Variants in ZC3H7B observed in about 807,000 individuals in gnomAD.
ZC3H7B encodes the protein zinc finger CCCH domain-containing protein 7B.
In ZC3H7B, 35 loss-of-function variants were observed where a neutral mutation model predicts 116.0. The observed-to-expected ratio is 0.30, with a 90% CI of 0.23 to 0.40. ZC3H7B has a LOEUF of 0.40. Among genes scored for constraint, ZC3H7B ranks in the 10% least tolerant of loss-of-function variants. The pLI is 1.00. For missense variants in ZC3H7B, 1,011 were observed against 1,321.5 expected, an observed-to-expected ratio of 0.77 and a Z score of 3.64; for synonymous variants, 502 against 545.6, an observed-to-expected ratio of 0.92 and a Z score of 1.11.
chr22:41,339,848 C>A lies in ZC3H7B; in HGVS notation c.849C>A (p.Gly283=), dbSNP rs893628075. 1 of 1,609,562 alleles carries A rather than the reference C, an allele frequency of 6.2e-7. No homozygotes were observed. The highest frequency in any genetic ancestry group is 1.7e-5 in the Admixed American group (1 of 59,774). ...TCCAGGGTGGCCTGTCTGGCAGCGG[C>A]GTGCCTAGTGAGTTGCCCCAGCTGA... The part of the protein sequence containing the change: ...SLVQGGLSGS[G]VPSELPQLIP... The change falls in exon 10 of 23, where the codon GGC becomes GGA. Residue 283 remains glycine (G), a synonymous_variant. Coordinates refer to ENST00000352645, the MANE Select transcript of ZC3H7B (RefSeq NM_017590.6).
chr22:41,316,496 A>G (rs2036185212), intron 1 of ZC3H7B, among the ~76,000 whole-genome samples: 2 of 149,854 alleles, frequency 1.3e-5, no homozygotes, highest in South Asian at 2.1e-4. Flanking sequence ...GGGTTTCACC[A>G]TGTTGGCTGG....
chr22:41,340,499 C>T (rs2036507893), intron 10 of ZC3H7B, among the ~76,000 whole-genome samples: 1 of 152,112 alleles, frequency 6.6e-6, no homozygotes, highest in African/African-American at 2.4e-5. Flanking sequence ...CCTCCCACTG[C>T]ACCACTCTGG....
chr22:41,335,714 C>G (rs2036436842), intron 7 of ZC3H7B: 1 of 152,474 alleles, frequency 6.6e-6, no homozygotes, highest in Non-Finnish European at 1.5e-5. Flanking sequence ...ATGGCAGGCT[C>G]AGGTGTGGGA....
At position 41,351,738 on chromosome 22, in the gene ZC3H7B, GT is replaced by G; in HGVS notation, c.2034+95del. 3 of 1,258,774 alleles carry G rather than the reference GT, an allele frequency of 2.4e-6. No homozygotes were observed. The South Asian group carries it at 4.1e-5, about 17-fold the overall frequency. 78.0% of individuals were successfully genotyped at this position (1,258,774 alleles called of 1,614,324 possible). ...GGCTCTAATTTTACAATAGAGAAAT[GT>G]TTACAATGGAGGCACCTCGAATAAG... On this transcript the variant is annotated intron_variant, in intron 17 of 22. Coordinates refer to ENST00000352645, the MANE Select transcript of ZC3H7B (RefSeq NM_017590.6). This position sits in a 1 kb window ranked among gnomAD's most constrained non-coding sequence, Gnocchi z 5.1.
chr22:41,343,671 G>C, intron 13 of ZC3H7B, 95 bp downstream of exon 13: 1 of 1,420,996 alleles, frequency 7.0e-7, no homozygotes, highest in Non-Finnish European at 9.3e-7. Flanking sequence ...AGACAGAACA[G>C]GGGTGGGCCT....
intron 17 of ZC3H7B, among the ~76,000 whole-genome samples, chr22:41,352,292 A>C (rs2036662317): frequency 6.6e-6 from 1 of 152,196 alleles, no homozygotes; most frequent in African/African-American, 2.4e-5. Flanking sequence ...CAGCTCACAC[A>C]TCAGGGGATG....
chr22:41,311,153 T>C (rs943129949), intron 1 of ZC3H7B, among the ~76,000 whole-genome samples: 6 of 151,340 alleles, frequency 4.0e-5, no homozygotes, highest in Non-Finnish European at 7.4e-5. Context: ...GGGAGTGACA[T>C]TGGCATATGC....
chr22:41,355,396 C>G (rs1973075189), intron 17 of ZC3H7B, 73 bp from the exon 18 acceptor site: 2 of 1,582,020 alleles, frequency 1.3e-6, no homozygotes, highest in African/African-American at 1.3e-5. Flanking sequence ...CCAGAGGACA[C>G]CTGTGTGGAG....
intron 1 of ZC3H7B, among the ~76,000 whole-genome samples, chr22:41,316,076 C>T (rs1378030203): frequency 2.6e-5 from 4 of 151,800 alleles, no homozygotes; most frequent in Non-Finnish European, 5.9e-5. Flanking sequence ...TCACCACAAC[C>T]TCCACCTCCC....
intron 1 of ZC3H7B, among the ~76,000 whole-genome samples, chr22:41,319,898 G>A (rs1356672001): frequency 4.6e-5 from 7 of 152,030 alleles, no homozygotes; most frequent in Non-Finnish European, 8.8e-5. Context: ...GTGCGTGGTA[G>A]TGCATGCCTG....
intron 1 of ZC3H7B, among the ~76,000 whole-genome samples, chr22:41,306,942 C>G (rs1010776465): frequency 6.6e-6 from 1 of 151,296 alleles, no homozygotes; most frequent in African/African-American, 2.4e-5. Flanking sequence ...TGCGTCAGCC[C>G]CCAGGAGCCT....
chr22:41,325,839 C>T lies in ZC3H7B; in HGVS notation c.206C>T (p.Ala69Val). The change falls in exon 4 of 23, where the codon GCT (alanine) becomes GTT (valine). Residue 69 changes from alanine to valine, a missense_variant. Physicochemically the swap from Ala to Val is moderately conservative, Grantham distance 64 (BLOSUM62 0). Transcript: ENST00000352645. ...GAAGGGCTGAACGTGGCCGACTACG[C>T]TGCCTCTGACCAGGTGGCCCTGCCC... is the stretch of plus-strand genomic sequence containing the variant. ...YMEGLNVADY[A>V]ASDQVALPRE... 1 of 1,613,028 alleles carries T rather than the reference C, an allele frequency of 6.2e-7. No individual in the cohort carries two copies. Among genetic ancestry groups the T allele is most frequent in the Non-Finnish European group, 8.5e-7 (1 of 1,179,832 alleles).
Position 41,346,444 on chromosome 22 carries a change from A to T in ZC3H7B, c.1665+236A>T, listed in dbSNP as rs1302678561. ...TTGCAGAGGCAGAAACTGAGGCTGG[A>T]AAGAAAAATCATAACCCTCACACCT... is the stretch of plus-strand genomic sequence containing the variant. On this transcript the variant is annotated intron_variant, in intron 14 of 22. Coordinates refer to ENST00000352645, the MANE Select transcript of ZC3H7B (RefSeq NM_017590.6). The surrounding 1 kb of genome is among the most constrained non-coding windows in gnomAD (Gnocchi z 5.3). Among the ~76,000 whole-genome samples the T allele has an allele frequency of 1.3e-5, 2 of 152,206 alleles. No homozygotes were observed. The highest frequency in any genetic ancestry group is 2.9e-5 in the Non-Finnish European group (2 of 68,022).
chr22:41,329,974 T>C (rs762916484), intron 5 of ZC3H7B, 49 bp from the exon 6 acceptor site: 2 of 1,600,974 alleles, frequency 1.2e-6, no homozygotes, highest in East Asian at 4.5e-5. Context: ...AGCACAGCTT[T>C]GTGAGCCCGG....
intron 1 of ZC3H7B, among the ~76,000 whole-genome samples, chr22:41,319,774 A>G (rs1040069406): frequency 6.6e-6 from 1 of 152,170 alleles, no homozygotes; most frequent in African/African-American, 2.4e-5. Context: ...AACGCCTGTA[A>G]TCCTAGCACT....
chr22:41,348,705 A>G, intron 15 of ZC3H7B, among the ~76,000 whole-genome samples: 1 of 152,212 alleles, frequency 6.6e-6, no homozygotes, highest in Non-Finnish European at 1.5e-5. Context: ...TCTTACGTCC[A>G]AGCCTGGGTT....
chr22:41,349,744 C>A lies in ZC3H7B; in HGVS notation c.1948+443C>A, dbSNP rs2036634587. Among the ~76,000 whole-genome samples the A allele has an allele frequency of 1.3e-5, 2 of 152,306 alleles. No homozygotes were observed. The highest frequency in any genetic ancestry group is 1.3e-4 in the Admixed American group (2 of 15,300). On this transcript the variant is annotated intron_variant, in intron 16 of 22. Transcript: ENST00000352645. This position sits in a 1 kb window ranked among gnomAD's most constrained non-coding sequence, Gnocchi z 4.9. ...TGGAAGGTGTTCTCCACTCACCCAC[C>A]AGGGATTTACTGAGCACCTTCTCTT...
intron 2 of ZC3H7B, among the ~76,000 whole-genome samples, chr22:41,323,930 C>T (rs1242963798): frequency 5.3e-5 from 8 of 152,120 alleles, no homozygotes; most frequent in Non-Finnish European, 1.2e-4. Context: ...ATTAGCCAGG[C>T]GTGGTGGCGG....
At position 41,338,240 on chromosome 22, in the gene ZC3H7B, G is replaced by T. The variant is rs113167759; in HGVS notation, c.583-73G>T. On this transcript the variant is annotated intron_variant, in intron 7 of 22. Coordinates refer to ENST00000352645, the MANE Select transcript of ZC3H7B (RefSeq NM_017590.6). This position sits in a 1 kb window ranked among gnomAD's most constrained non-coding sequence, Gnocchi z 4.5. ...GCTGGGTCAACAGCATAGTCACGTG[G>T]GGAGGGGCTGGTGCTGGGTGCTGGG... 1 of 1,515,722 alleles carries T rather than the reference G, an allele frequency of 6.6e-7. No homozygotes were observed. The highest frequency in any genetic ancestry group is 9.0e-7 in the Non-Finnish European group (1 of 1,105,694). The allele number at this position is 1,515,722 out of a possible 1,614,324, so 93.9% of individuals were successfully genotyped here. A position where few individuals can be genotyped will look rare whatever the true frequency, so the allele number is the denominator to read the frequency against.
Sources: gnomAD v4.1 joint callset for allele counts (sites outside exome capture counted in the v4.1 genomes callset) on GRCh38, gnomAD v4.1.1 for gene constraint, Gnocchi (gnomAD v3.1) non-coding constraint, MANE v1.5 for transcripts, NCBI Gene and HGNC (gene_info 2026-07-23, HGNC 2026-07-21) for gene names.